ZFYVE1: variants seen among roughly 807,000 people sequenced by gnomAD.
ZFYVE1 encodes the protein zinc finger FYVE-type containing 1.
A neutral mutation model predicts 74.4 loss-of-function variants in ZFYVE1; 30 were observed. The observed-to-expected ratio is 0.40, with a 90% CI of 0.30 to 0.55. The LOEUF is 0.55. Among genes scored for constraint, ZFYVE1 ranks in the 20% least tolerant of loss-of-function variants. ZFYVE1 has a pLI of 0.42. For synonymous variants in ZFYVE1, 335 were observed against 385.1 expected, an observed-to-expected ratio of 0.87 and a Z score of 1.52; for missense variants, 703 against 1,011.6, an observed-to-expected ratio of 0.69 and a Z score of 4.14.
At position 72,974,172 on chromosome 14, in the gene ZFYVE1, TCCA is replaced by T; in HGVS notation, c.2006_2008del (p.Val669del). 1 of 1,614,082 alleles carries T rather than the reference TCCA, an allele frequency of 6.2e-7. No homozygotes were observed. Among genetic ancestry groups the T allele is most frequent in the Non-Finnish European group, 8.5e-7 (1 of 1,179,960 alleles). On this transcript the variant is annotated inframe_deletion, in exon 11 of 12. Coordinates refer to ENST00000556143, the MANE Select transcript of ZFYVE1 (RefSeq NM_021260.4). ...AGCAATGAGCGTTCCACCTTCATCG[TCCA>T]CTTGTGCCTCGGTAACAGCTGTAGA...
At chr14:73,000,572 C>A (rs1893847477) in intron 2 of ZFYVE1, among the ~76,000 whole-genome samples, 1 of 151,858 alleles carries the variant, frequency 6.6e-6, no homozygotes, top group Admixed American at 6.6e-5. Context: ...CCACTCCACT[C>A]CAGGATGGGT....
chr14:72,997,677 A>G, intron 3 of ZFYVE1, 134 bp downstream of exon 3: 2 of 1,224,760 alleles, frequency 1.6e-6, no homozygotes, highest in Non-Finnish European at 1.1e-6. Context: ...ATCCTCCTTG[A>G]AACACTTTCT....
At chr14:73,014,696 A>C (rs577768017) in intron 2 of ZFYVE1, among the ~76,000 whole-genome samples, 2 of 152,316 alleles carry the variant, frequency 1.3e-5, no homozygotes, top group African/African-American at 4.8e-5. Context: ...AAAATTCAAC[A>C]ATTTGAAAGA....
chr14:72,999,218 C>G (rs1209626878), intron 2 of ZFYVE1, among the ~76,000 whole-genome samples: 1 of 152,088 alleles, frequency 6.6e-6, no homozygotes, highest in Non-Finnish European at 1.5e-5. Flanking sequence ...CCCCTGAGGT[C>G]AGGAGTTCAA....
chr14:73,023,431 T>TTA (rs981729353), intron 2 of ZFYVE1, among the ~76,000 whole-genome samples: 35 of 134,676 alleles, frequency 2.6e-4, no homozygotes, highest in Non-Finnish European at 4.7e-4. Context: ...TTTATATATA[T>TTA]TATATATATA....
At position 72,969,616 on chromosome 14, in the gene ZFYVE1, C is replaced by A; in HGVS notation, c.*1266G>T. On this transcript the variant is annotated 3_prime_UTR_variant, in exon 12 of 12. Transcript: ENST00000556143. ...CACCAGGAATGACCGCCATATACTT[C>A]CCTAAAGCTCAACCCACCCACCAGT... 1 of 683,730 alleles carries A rather than the reference C, an allele frequency of 1.5e-6. No individual in the cohort carries two copies. Among genetic ancestry groups the A allele is most frequent in the South Asian group, 1.6e-5 (1 of 63,466 alleles). The allele number at this position is 683,730 out of a possible 1,614,324, so 42.4% of individuals were successfully genotyped here. A position where few individuals can be genotyped will look rare whatever the true frequency, so the allele number is the denominator to read the frequency against.
intron 4 of ZFYVE1, among the ~76,000 whole-genome samples, chr14:72,987,690 T>C (rs1893514120): frequency 6.6e-6 from 1 of 152,272 alleles, no homozygotes; most frequent in Non-Finnish European, 1.5e-5. Flanking sequence ...TGAATATTAA[T>C]TCCTCTATTC....
chr14:72,989,216 G>A (rs1030531220), intron 4 of ZFYVE1, among the ~76,000 whole-genome samples: 4 of 152,158 alleles, frequency 2.6e-5, no homozygotes, highest in Non-Finnish European at 4.4e-5. Context: ...ATGAGCCACA[G>A]CACCCAGCCA....
intron 2 of ZFYVE1, among the ~76,000 whole-genome samples, chr14:73,010,052 A>G (rs909747279): frequency 1.3e-5 from 2 of 152,204 alleles, no homozygotes; most frequent in African/African-American, 4.8e-5. Flanking sequence ...ACTGCACTCC[A>G]GCCTAGGCAA....
At chr14:72,974,557 G>C (rs1416082654) in intron 10 of ZFYVE1, among the ~76,000 whole-genome samples, 1 of 152,182 alleles carries the variant, frequency 6.6e-6, no homozygotes, top group Admixed American at 6.6e-5. Flanking sequence ...CCTTCCCCCA[G>C]AAGCAACTCT....
intron 2 of ZFYVE1, among the ~76,000 whole-genome samples, chr14:73,019,366 G>A (rs1454191584): frequency 6.6e-6 from 1 of 151,582 alleles, no homozygotes; most frequent in Non-Finnish European, 1.5e-5. Context: ...AGGATTGCTT[G>A]AGCCCAGGAA....
intron 2 of ZFYVE1, among the ~76,000 whole-genome samples, chr14:73,002,741 C>CTTTT (rs532732428): frequency 2.4e-5 from 3 of 127,490 alleles, no homozygotes; most frequent in South Asian, 2.5e-4. Context: ...GTTGCTTTTT[C>CTTTT]TTTTTTTTTT....
rs368021201 is a variant in ZFYVE1, at chr14:72,989,972, AAAC to A, written c.1203+3168_1203+3170del. 3.3e-5 allele frequency among the ~76,000 whole-genome samples: 5 copies of A among 152,312 alleles called. No homozygotes were observed. In the East Asian group the frequency reaches 9.6e-4, roughly 29 times the overall value. ...AATACAACAGCATAAAACAAAATAA[AAAC>A]AAGTGGAGAAGAAAAGACAGCCATT... On this transcript the variant is annotated intron_variant, in intron 4 of 11. Coordinates refer to ENST00000556143, the MANE Select transcript of ZFYVE1 (RefSeq NM_021260.4).
chr14:73,001,593 T>C lies in ZFYVE1; in HGVS notation c.484-3278A>G, dbSNP rs546586614. Reference sequence around the variant, plus strand: ...TAATAATCCTACCCTCCAAATGTGCTTATAACCTGGACAAGTGAGAGTTCT... The same window carrying C: ...TAATAATCCTACCCTCCAAATGTGCCTATAACCTGGACAAGTGAGAGTTCT... On this transcript the variant is annotated intron_variant, in intron 2 of 11. Transcript: ENST00000556143. 2.6e-5 allele frequency among the ~76,000 whole-genome samples: 4 copies of C among 152,252 alleles called. No homozygotes were observed. The East Asian group carries it at 7.7e-4, about 29-fold the overall frequency.
intron 2 of ZFYVE1, among the ~76,000 whole-genome samples, chr14:73,006,382 C>G (rs1310733410): frequency 2.0e-5 from 3 of 151,814 alleles, no homozygotes; most frequent in African/African-American, 7.2e-5. Context: ...CGAGACCAGC[C>G]TGGCCAACGT....
chr14:73,003,045 T>C (rs1373440162), intron 2 of ZFYVE1, among the ~76,000 whole-genome samples: 2 of 109,306 alleles, frequency 1.8e-5, no homozygotes, highest in African/African-American at 7.9e-5. Context: ...CCAGCCCTTT[T>C]TTTCTTTTCT....
intron 3 of ZFYVE1, among the ~76,000 whole-genome samples, chr14:72,994,539 T>C (rs544334818): frequency 6.6e-6 from 1 of 151,994 alleles, no homozygotes; most frequent in Non-Finnish European, 1.5e-5. Context: ...CATGATACCT[T>C]GATATGATAC....
At chr14:73,022,775 C>A (rs981843836) in intron 2 of ZFYVE1, among the ~76,000 whole-genome samples, 1 of 152,122 alleles carries the variant, frequency 6.6e-6, no homozygotes, top group African/African-American at 2.4e-5. Flanking sequence ...TGTCACAACA[C>A]TACCATCTCC....
intron 2 of ZFYVE1, among the ~76,000 whole-genome samples, chr14:73,022,256 G>C (rs1894334278): frequency 6.6e-6 from 1 of 152,142 alleles, no homozygotes. Flanking sequence ...TGTTAGCAAA[G>C]TATTAACATG....
Sources: gnomAD v4.1 joint callset for allele counts (sites outside exome capture counted in the v4.1 genomes callset) on GRCh38, gnomAD v4.1.1 for gene constraint, MANE v1.5 for transcripts, NCBI Gene and HGNC (gene_info 2026-07-23, HGNC 2026-07-21) for gene names.